ADK: variants seen among roughly 807,000 people sequenced by gnomAD.
ADK encodes N6,N6-dimethyladenosine kinase.
ADK carries 24 observed loss-of-function variants against 44.7 expected under a neutral mutation model. That is an observed-to-expected ratio of 0.54 (90% CI 0.39 to 0.76). The LOEUF (loss-of-function observed/expected upper bound fraction) is 0.76. Ranked by LOEUF, ADK falls within the 30% of genes least tolerant of loss-of-function variation. The pLI, the probability that ADK is intolerant of heterozygous loss-of-function variation, is 0.00. For missense variants in ADK, 321 were observed against 425.1 expected, an observed-to-expected ratio of 0.76 and a Z score of 2.15; for synonymous variants, 128 against 142.6, an observed-to-expected ratio of 0.90 and a Z score of 0.73.
chr10:74,232,784 C>A (rs1308642530), intron 3 of ADK, among the ~76,000 whole-genome samples: 1 of 152,138 alleles, frequency 6.6e-6, no homozygotes, highest in African/African-American at 2.4e-5. Context: ...CGCCGCCACA[C>A]CCGGCTGATT....
chr10:74,339,121 T>A (rs1216592959), intron 4 of ADK, among the ~76,000 whole-genome samples: 1 of 152,044 alleles, frequency 6.6e-6, no homozygotes, highest in Non-Finnish European at 1.5e-5. Context: ...GGCTCGCTAA[T>A]TTTTTTATTT....
intron 3 of ADK, among the ~76,000 whole-genome samples, chr10:74,293,008 T>G (rs1319047110): frequency 6.6e-6 from 1 of 151,846 alleles, no homozygotes; most frequent in African/African-American, 2.4e-5. Context: ...TGAAACACCA[T>G]CTCTACAAAA....
chr10:74,653,599 T>C (rs1589337317), intron 9 of ADK, among the ~76,000 whole-genome samples: 1 of 152,312 alleles, frequency 6.6e-6, no homozygotes, highest in African/African-American at 2.4e-5. Flanking sequence ...AGAGGTTTTG[T>C]TGTTGTTGTT....
At chr10:74,472,199 T>C (rs1846617402) in intron 6 of ADK, among the ~76,000 whole-genome samples, 1 of 152,090 alleles carries the variant, frequency 6.6e-6, no homozygotes, top group African/African-American at 2.4e-5. Flanking sequence ...CAAGATCCCG[T>C]CGGTAAAAAA....
At chr10:74,166,766 C>A (rs570621074) in intron 1 of ADK, among the ~76,000 whole-genome samples, 1 of 151,344 alleles carries the variant, frequency 6.6e-6, no homozygotes, top group East Asian at 1.9e-4. Context: ...TTTCTGATTG[C>A]TACATGACTT....
chr10:74,594,335 TA>T (rs575837763), intron 8 of ADK, among the ~76,000 whole-genome samples: 2 of 150,056 alleles, frequency 1.3e-5, no homozygotes, highest in Non-Finnish European at 2.9e-5. Context: ...AAAGTATGAT[TA>T]AAAAAAATTT....
chr10:74,569,218 A>G (rs1850829359), intron 7 of ADK, among the ~76,000 whole-genome samples: 1 of 152,154 alleles, frequency 6.6e-6, no homozygotes, highest in Non-Finnish European at 1.5e-5. Context: ...GCTATTGTGA[A>G]TAGTGCCGCA....
chr10:74,632,169 G>T (rs558981764), intron 9 of ADK, among the ~76,000 whole-genome samples: 1 of 152,130 alleles, frequency 6.6e-6, no homozygotes, highest in Non-Finnish European at 1.5e-5. Flanking sequence ...CTATGCATTT[G>T]CCTTTTCTGG....
chr10:74,590,323 T>C (rs1159722975), intron 8 of ADK, among the ~76,000 whole-genome samples: 2 of 152,200 alleles, frequency 1.3e-5, no homozygotes, highest in Non-Finnish European at 2.9e-5. Context: ...GAGTGGTGAT[T>C]GAATAGTATC....
intron 1 of ADK, among the ~76,000 whole-genome samples, chr10:74,161,212 A>AT (rs1841887806): frequency 1.3e-5 from 2 of 151,940 alleles, no homozygotes; most frequent in South Asian, 4.2e-4. Flanking sequence ...ATTCCTATTT[A>AT]TTTTTTTGAG....
At chr10:74,260,600 G>T (rs1399921672) in intron 3 of ADK, among the ~76,000 whole-genome samples, 1 of 152,128 alleles carries the variant, frequency 6.6e-6, no homozygotes, top group Non-Finnish European at 1.5e-5. Context: ...CTGTGATTAG[G>T]TGACTCTTTA....
chr10:74,694,933 C>A (rs1856120111), intron 10 of ADK, among the ~76,000 whole-genome samples: 1 of 151,596 alleles, frequency 6.6e-6, no homozygotes, highest in Non-Finnish European at 1.5e-5. Context: ...ACATTTAACT[C>A]ATTGATAGAC....
intron 8 of ADK, among the ~76,000 whole-genome samples, chr10:74,591,490 A>C (rs559562267): frequency 6.6e-6 from 1 of 152,158 alleles, no homozygotes; most frequent in Non-Finnish European, 1.5e-5. Flanking sequence ...TCAAATAGAT[A>C]TTTTTAATCA....
At chr10:74,403,000 G>A (rs1053612355) in intron 6 of ADK, among the ~76,000 whole-genome samples, 2 of 152,128 alleles carry the variant, frequency 1.3e-5, no homozygotes, top group Admixed American at 1.3e-4. Context: ...GTCTGTTGGA[G>A]TTTGCTGGAG....
chr10:74,293,233 C>G (rs143102521), intron 3 of ADK, among the ~76,000 whole-genome samples: 5 of 111,526 alleles, frequency 4.5e-5, no homozygotes, highest in Admixed American at 1.8e-4. Context: ...TATTTAGAAA[C>G]AAGAACATTT....
chr10:74,543,360 T>C (rs1849717723), intron 7 of ADK, among the ~76,000 whole-genome samples: 1 of 152,164 alleles, frequency 6.6e-6, no homozygotes, highest in Non-Finnish European at 1.5e-5. Context: ...TCCTCATTTT[T>C]TTAGTTGGAT....
At chr10:74,463,907 T>A (rs534921784) in intron 6 of ADK, among the ~76,000 whole-genome samples, 5 of 152,174 alleles carry the variant, frequency 3.3e-5, no homozygotes, top group Non-Finnish European at 7.3e-5. Context: ...GAAATTAGAT[T>A]GTTATTTGAA....
In ADK at chr10:74,396,135, G is replaced by A. The variant is rs370194698; in HGVS notation, c.446+1822G>A. 2.3e-4 allele frequency among the ~76,000 whole-genome samples: 35 copies of A among 152,280 alleles called. 1 individual carries two copies. The highest frequency in any genetic ancestry group is 6.8e-3 in the Middle Eastern group (2 of 294). On this transcript the variant is annotated intron_variant, in intron 5 of 10. Coordinates refer to ENST00000539909, the MANE Select transcript of ADK (RefSeq NM_006721.4). ...TGAGATGATATGGGACTCAAAAATT[G>A]GGGAGAAATCTTCAGTATCTAAATC... is the stretch of plus-strand genomic sequence containing the variant.
At chr10:74,237,919 A>G (rs922881240) in intron 3 of ADK, among the ~76,000 whole-genome samples, 2 of 152,088 alleles carry the variant, frequency 1.3e-5, no homozygotes, top group African/African-American at 4.8e-5. Flanking sequence ...ACCAACAGGG[A>G]GAAACCCCGT....
Sources: allele counts gnomAD v4.1 joint callset (sites outside exome capture counted in the v4.1 genomes callset), GRCh38; gene constraint gnomAD v4.1.1; transcripts MANE v1.5; gene names NCBI Gene and HGNC (gene_info 2026-07-23, HGNC 2026-07-21).